FAM81B: variants seen among roughly 807,000 people sequenced by gnomAD.
The protein encoded by FAM81B is protein FAM81B.
Under a neutral mutation model 58.7 loss-of-function variants are expected in FAM81B, and 60 were observed. The observed-to-expected ratio is 1.02, with a 90% CI of 0.83 to 1.27. The LOEUF is 1.27. Ranked by LOEUF, FAM81B falls within the 50% of genes most tolerant of loss-of-function variation. The probability of loss-of-function intolerance (pLI) is 0.00; values close to 1 mark genes in which losing one functional copy is unlikely to be tolerated. For missense variants in FAM81B, 491 were observed against 522.0 expected (o/e 0.94, Z 0.58); for synonymous variants, 189 against 179.6 (o/e 1.05, Z -0.42).
chr5:95,443,486 T>C (rs1384120602), intron 7 of FAM81B, among the ~76,000 whole-genome samples: 3 of 152,184 alleles, frequency 2.0e-5, no homozygotes, highest in Non-Finnish European at 4.4e-5. Context: ...CTAATAGAAA[T>C]GCTCATACAC....
chr5:95,431,272 C>G (rs1744877413), intron 6 of FAM81B, among the ~76,000 whole-genome samples: 1 of 152,068 alleles, frequency 6.6e-6, no homozygotes, highest in Non-Finnish European at 1.5e-5. Flanking sequence ...CTTCATATCT[C>G]TTCAGGCACT....
chr5:95,414,088 G>C lies in FAM81B; in HGVS notation c.435G>C (p.Gly145=), dbSNP rs1196923227. The change falls in exon 4 of 10, where the codon GGG becomes GGC. Residue 145 remains glycine, a synonymous_variant. Transcript: ENST00000283357. ...AGGACATCTCTGCTTGCCTGCAGGG[G>C]ACCCATGGCTTTCGAAAAGAGGAAT... ...IKEDISACLQ[G]THGFRKEESL... The C allele has an allele frequency of 2.5e-6, 4 of 1,613,932 alleles. No individual in the cohort carries two copies. In the African/African-American group the frequency reaches 4.0e-5, roughly 16 times the overall value.
intron 3 of FAM81B, among the ~76,000 whole-genome samples, chr5:95,401,932 A>G (rs536443535): frequency 6.6e-6 from 1 of 152,342 alleles, no homozygotes; most frequent in East Asian, 1.9e-4. Context: ...TGTCAGCTAC[A>G]TAATCAATGA....
chr5:95,410,942 A>G (rs1048203886), intron 3 of FAM81B: 25 of 152,236 alleles, frequency 1.6e-4, no homozygotes, highest in African/African-American at 6.0e-4. Flanking sequence ...TGTACTAAGC[A>G]GGTAAGATTA....
At chr5:95,444,934 C>T (rs1015168924) in intron 7 of FAM81B, among the ~76,000 whole-genome samples, 44 of 152,072 alleles carry the variant, frequency 2.9e-4, no homozygotes, top group Non-Finnish European at 3.7e-4. Context: ...CTAGTGTCTA[C>T]CCACTAGATG....
chr5:95,422,810 A>G (rs1762722285), intron 5 of FAM81B, among the ~76,000 whole-genome samples: 1 of 152,244 alleles, frequency 6.6e-6, no homozygotes, highest in Non-Finnish European at 1.5e-5. Context: ...TGGATCTCAA[A>G]GAAACTAAGA....
chr5:95,435,646 C>T (rs1035369266), intron 6 of FAM81B, among the ~76,000 whole-genome samples: 9 of 151,998 alleles, frequency 5.9e-5, no homozygotes, highest in African/African-American at 1.7e-4. Flanking sequence ...TGCTTTTTTG[C>T]TCAATATATA....
intron 2 of FAM81B, among the ~76,000 whole-genome samples, chr5:95,393,771 CAAATA>C (rs1761892883): frequency 6.6e-6 from 1 of 151,990 alleles, no homozygotes; most frequent in Non-Finnish European, 1.5e-5. Context: ...GCATTCATGT[CAAATA>C]AAATTATGTC....
At chr5:95,414,632 G>T (rs973210361) in intron 4 of FAM81B, among the ~76,000 whole-genome samples, 2 of 152,072 alleles carry the variant, frequency 1.3e-5, no homozygotes, top group African/African-American at 4.8e-5. Context: ...GGCCACACTG[G>T]CCTCCCAGCT....
chr5:95,427,030 T>C (rs143201896), intron 5 of FAM81B, among the ~76,000 whole-genome samples: 2,686 of 151,402 alleles, frequency 0.018, 35 homozygotes, highest in Non-Finnish European at 0.023. Context: ...GCCTGGGCGA[T>C]AGAGCAAGAC....
At chr5:95,417,159 C>A (rs769053289) in intron 4 of FAM81B, among the ~76,000 whole-genome samples, 3 of 152,190 alleles carry the variant, frequency 2.0e-5, no homozygotes, top group Non-Finnish European at 4.4e-5. Context: ...ACTGTGAAAG[C>A]TCTTGATACA....
At chr5:95,409,318 C>A (rs866347018) in intron 3 of FAM81B, among the ~76,000 whole-genome samples, 2 of 151,836 alleles carry the variant, frequency 1.3e-5, no homozygotes, top group Admixed American at 6.6e-5. Context: ...GCCACCACAT[C>A]CGGCTAACTT....
At chr5:95,398,524 TAAGTAA>T (rs527910267) in intron 3 of FAM81B, among the ~76,000 whole-genome samples, 64 of 152,166 alleles carry the variant, frequency 4.2e-4, no homozygotes, top group Non-Finnish European at 8.1e-4. Flanking sequence ...ACAGAGTACT[TAAGTAA>T]AAGTCATTAT....
intron 3 of FAM81B, among the ~76,000 whole-genome samples, chr5:95,404,310 C>G (rs1048342319): frequency 6.6e-6 from 1 of 151,978 alleles, no homozygotes; most frequent in African/African-American, 2.4e-5. Context: ...ATGGTAGGTA[C>G]CATTTGGTGA....
chr5:95,419,773 C>A lies in FAM81B; in HGVS notation c.538-511C>A, dbSNP rs116366645. 3.5e-4 allele frequency among the ~76,000 whole-genome samples: 54 copies of A among 152,240 alleles called. 1 individual carries two copies. Among genetic ancestry groups the A allele is most frequent in the African/African-American group, 1.3e-3 (53 of 41,556 alleles). Reference sequence around the variant, plus strand: ...AATCAGGTTGATTCAGACTTGCTTGCGCTGTGTTAACTTCATTGTGGTTCT... The same window carrying A: ...AATCAGGTTGATTCAGACTTGCTTGAGCTGTGTTAACTTCATTGTGGTTCT... On this transcript the variant is annotated intron_variant, in intron 4 of 9. Transcript: ENST00000283357.
intron 5 of FAM81B, among the ~76,000 whole-genome samples, chr5:95,426,974 G>A (rs1762857576): frequency 6.6e-6 from 1 of 152,212 alleles, no homozygotes; most frequent in African/African-American, 2.4e-5. Flanking sequence ...GCGTGAACCT[G>A]GGAGGCGGAG....
At chr5:95,420,674 AT>A (rs1762656059) in intron 5 of FAM81B, among the ~76,000 whole-genome samples, 1 of 152,202 alleles carries the variant, frequency 6.6e-6, no homozygotes, top group African/African-American at 2.4e-5. Context: ...AAATGCCAAC[AT>A]CCATACATAG....
chr5:95,444,778 A>G (rs897808642), intron 7 of FAM81B, among the ~76,000 whole-genome samples: 2 of 152,182 alleles, frequency 1.3e-5, no homozygotes, highest in African/African-American at 2.4e-5. Flanking sequence ...AACTAATATA[A>G]CTATTGGAAA....
chr5:95,430,782 T>C (rs1273716851), intron 6 of FAM81B, among the ~76,000 whole-genome samples: 1 of 152,036 alleles, frequency 6.6e-6, no homozygotes, highest in Admixed American at 6.6e-5. Flanking sequence ...CAAATTGCTT[T>C]CTATATGGCT....
Sources: allele counts gnomAD v4.1 joint callset (sites outside exome capture counted in the v4.1 genomes callset), GRCh38; gene constraint gnomAD v4.1.1; transcripts MANE v1.5; gene names NCBI Gene and HGNC (gene_info 2026-07-23, HGNC 2026-07-21).